ATP6V1H: variants seen among roughly 807,000 people sequenced by gnomAD.
ATP6V1H encodes V-type proton ATPase subunit H.
ATP6V1H carries 39 observed loss-of-function variants against 71.7 expected under a neutral mutation model. That is an observed-to-expected ratio of 0.54 (90% CI 0.42 to 0.71). The LOEUF is 0.71. Ranked by LOEUF, ATP6V1H falls within the 30% of genes least tolerant of loss-of-function variation. ATP6V1H has a pLI of 0.00. For missense variants in ATP6V1H, 509 were observed against 594.9 expected, an observed-to-expected ratio of 0.86 and a Z score of 1.50; for synonymous variants, 192 against 199.3, an observed-to-expected ratio of 0.96 and a Z score of 0.31.
At chr8:53,810,430 C>T (rs966163460) in intron 7 of ATP6V1H, among the ~76,000 whole-genome samples, 5 of 151,984 alleles carry the variant, frequency 3.3e-5, no homozygotes, top group African/African-American at 1.2e-4. Flanking sequence ...TTATGTAGAG[C>T]CTTTTGGCTC....
Position 53,801,889 on chromosome 8 carries a change from T to C in ATP6V1H, c.587A>G (p.Gln196Arg), listed in dbSNP as rs1211491502. ...ACACCCGGCCACGCACTGCACATAC[T>C]GCGAACTCTGCACAAGAAGAAGTGT... is the stretch of plus-strand genomic sequence containing the variant. ...TGTVSSSDSSQYVQCVAGCLQ... is the reference protein window; with the variant it reads ...TGTVSSSDSSRYVQCVAGCLQ... Residue 196 changes from glutamine to arginine, a missense_variant, in exon 8 of 14, where the codon CAG becomes CGG. Around this residue, in one of 2 missense-constraint regions of ATP6V1H, gnomAD observed 297 missense variants for 303.3 expected, o/e 0.98. Coordinates refer to ENST00000359530, the MANE Select transcript of ATP6V1H (RefSeq NM_015941.4). The C allele has an allele frequency of 1.2e-6, 2 of 1,613,224 alleles. No individual in the cohort carries two copies. The highest frequency in any genetic ancestry group is 2.2e-5 in the East Asian group (1 of 44,868).
Position 53,772,165 on chromosome 8 carries a change from G to C in ATP6V1H, c.873C>G (p.Asn291Lys). 1 of 1,610,044 alleles carries C rather than the reference G, an allele frequency of 6.2e-7. No homozygotes were observed. The highest frequency in any genetic ancestry group is 1.1e-5 in the South Asian group (1 of 90,510). The change falls in exon 10 of 14, where the codon AAC (asparagine) becomes AAG (lysine). Residue 291 changes from asparagine (N) to lysine (K), a missense_variant and splice_region_variant. Transcript: ENST00000359530. ...CTCTTTCAGTTGATTTTTCTAAAAA[G>C]TTCTGGGTTAGACAAAGTGATAGTG... Reference protein sequence around the residue: ...VTRIILAAFRNFLEKSTERET... With the variant: ...VTRIILAAFRKFLEKSTERET...
chr8:53,736,633 T>C (rs1807213057), intron 13 of ATP6V1H, among the ~76,000 whole-genome samples: 1 of 152,088 alleles, frequency 6.6e-6, no homozygotes, highest in Non-Finnish European at 1.5e-5. Context: ...ATAAAAAGTT[T>C]TGTTGCTAGC....
intron 4 of ATP6V1H, among the ~76,000 whole-genome samples, chr8:53,821,937 C>A (rs558712800): frequency 6.6e-6 from 1 of 152,186 alleles, no homozygotes; most frequent in East Asian, 1.9e-4. Context: ...AAATAAAATA[C>A]CACCTTGAAT....
chr8:53,771,795 T>C (rs1005998664), intron 10 of ATP6V1H, among the ~76,000 whole-genome samples, 194 bp downstream of exon 10: 10 of 152,100 alleles, frequency 6.6e-5, no homozygotes, highest in African/African-American at 1.9e-4. Flanking sequence ...TCTCCGTAAA[T>C]AAGAAGAGAT....
chr8:53,786,033 C>T (rs1455525240), intron 9 of ATP6V1H, among the ~76,000 whole-genome samples: 2 of 152,196 alleles, frequency 1.3e-5, no homozygotes, highest in East Asian at 1.9e-4. Context: ...TCTCAAGCTG[C>T]GTGCTGGGAG....
chr8:53,829,393 G>A (rs1259952329), intron 4 of ATP6V1H, 51 bp downstream of exon 4: 1 of 1,142,716 alleles, frequency 8.8e-7, no homozygotes, highest in Admixed American at 1.8e-5. Flanking sequence ...CTACTGTGAG[G>A]TATGCAAAAA....
At chr8:53,828,712 G>C (rs1040716969) in intron 4 of ATP6V1H, among the ~76,000 whole-genome samples, 1 of 152,072 alleles carries the variant, frequency 6.6e-6, no homozygotes, top group African/African-American at 2.4e-5. Flanking sequence ...ATCAATAATA[G>C]TACAGTGCTT....
chr8:53,745,697 CCA>C (rs368836787), intron 12 of ATP6V1H, among the ~76,000 whole-genome samples: 5 of 150,630 alleles, frequency 3.3e-5, no homozygotes, highest in African/African-American at 4.9e-5. Context: ...AGGAAAATCA[CCA>C]CACACACACA....
intron 9 of ATP6V1H, among the ~76,000 whole-genome samples, chr8:53,782,714 C>T (rs1206198212): frequency 1.3e-5 from 2 of 152,072 alleles, no homozygotes; most frequent in South Asian, 4.1e-4. Flanking sequence ...GAGATACGTC[C>T]CATCAATACC....
intron 2 of ATP6V1H, among the ~76,000 whole-genome samples, chr8:53,835,527 G>A (rs1790657736): frequency 6.6e-6 from 1 of 152,152 alleles, no homozygotes; most frequent in Non-Finnish European, 1.5e-5. Flanking sequence ...TGTCCCTTCT[G>A]GGTTTTGTAC....
At chr8:53,737,523 A>G (rs7006934) in intron 13 of ATP6V1H, among the ~76,000 whole-genome samples, 46,758 of 152,166 alleles carry the variant, frequency 0.31, 15,282 homozygotes, top group African/African-American at 0.82. Context: ...TAAATGCCTA[A>G]CCCTTAAGGA....
At chr8:53,728,670 C>T (rs776002340) in intron 13 of ATP6V1H, among the ~76,000 whole-genome samples, 4 of 152,160 alleles carry the variant, frequency 2.6e-5, no homozygotes, top group African/African-American at 4.8e-5. Context: ...TTGAGGTGGG[C>T]AACAAATGTG....
At chr8:53,835,704 T>C (rs1004092111) in intron 2 of ATP6V1H, among the ~76,000 whole-genome samples, 15 of 152,194 alleles carry the variant, frequency 9.9e-5, no homozygotes, top group African/African-American at 3.6e-4. Context: ...CATGCATTTA[T>C]TTTTTTCAAC....
chr8:53,816,333 T>C (rs1810448583), intron 5 of ATP6V1H, among the ~76,000 whole-genome samples: 1 of 152,210 alleles, frequency 6.6e-6, no homozygotes, highest in African/African-American at 2.4e-5. Flanking sequence ...ACAAGCAGCC[T>C]CTGGAGCTAC....
At chr8:53,781,296 G>T (rs1009883135) in intron 9 of ATP6V1H, among the ~76,000 whole-genome samples, 2 of 152,190 alleles carry the variant, frequency 1.3e-5, no homozygotes, top group Non-Finnish European at 2.9e-5. Context: ...GGCCAGTGAT[G>T]ATGAGCATTT....
intron 9 of ATP6V1H, among the ~76,000 whole-genome samples, chr8:53,781,319 T>A (rs1585779989): frequency 6.6e-6 from 1 of 152,242 alleles, no homozygotes; most frequent in Admixed American, 6.5e-5. Context: ...TCATGTGTTT[T>A]ATGGCTGCAT....
At chr8:53,716,771 A>C (rs1056688119) in intron 13 of ATP6V1H, among the ~76,000 whole-genome samples, 1 of 152,248 alleles carries the variant, frequency 6.6e-6, no homozygotes, top group Non-Finnish European at 1.5e-5. Flanking sequence ...TTTAGCTCTA[A>C]AGTACATACA....
intron 13 of ATP6V1H, among the ~76,000 whole-genome samples, chr8:53,718,010 A>G (rs979235630): frequency 1.3e-5 from 2 of 152,200 alleles, no homozygotes; most frequent in Non-Finnish European, 2.9e-5. Context: ...AAAAATGACT[A>G]ATAAGAATGT....
Sources: gnomAD v4.1 joint callset for allele counts (sites outside exome capture counted in the v4.1 genomes callset) on GRCh38, gnomAD v4.1.1 for gene constraint, gnomAD v4.1.1 regional missense constraint, MANE v1.5 for transcripts, NCBI Gene and HGNC (gene_info 2026-07-23, HGNC 2026-07-21) for gene names.